The following LILRB5 variants were observed in gnomAD, a reference collection of about 807,000 sequenced individuals.
LILRB5 encodes the protein leukocyte immunoglobulin-like receptor subfamily B member 5.
LILRB5 carries 61 observed loss-of-function variants against 68.4 expected under a neutral mutation model. The observed-to-expected ratio is 0.89, with a 90% CI of 0.73 to 1.10. The LOEUF is 1.10. Among genes scored for constraint, LILRB5 ranks in the 50% least tolerant of loss-of-function variants. The probability of loss-of-function intolerance (pLI) is 0.00; values close to 1 mark genes in which losing one functional copy is unlikely to be tolerated. For missense variants in LILRB5, 771 were observed against 751.6 expected, an observed-to-expected ratio of 1.03 and a Z score of -0.30; for synonymous variants, 356 against 315.8, an observed-to-expected ratio of 1.13 and a Z score of -1.35.
chr19:54,250,776 C>A lies in LILRB5; in HGVS notation c.*10G>T. The A allele has an allele frequency of 1.2e-6, 2 of 1,613,882 alleles. No homozygotes were observed. Among genetic ancestry groups the A allele is most frequent in the Non-Finnish European group, 1.7e-6 (2 of 1,179,962 alleles). ...CTTCTGTTGAGTATGAGATCTGGGT[C>A]CCCCGTGGGCTAGTGGATGGCCAGG... On this transcript the variant is annotated 3_prime_UTR_variant, in exon 13 of 13. Transcript: ENST00000449561.
At position 54,250,818 on chromosome 19, in the gene LILRB5, G is replaced by A. The variant is rs1319407371; in HGVS notation, c.1744C>T (p.Pro582Ser). The A allele has an allele frequency of 6.2e-7, 1 of 1,614,110 alleles. No individual in the cohort carries two copies. Among genetic ancestry groups the A allele is most frequent in the South Asian group, 1.1e-5 (1 of 91,084 alleles). Residue 582 changes from proline (P) to serine (S), a missense_variant, in exon 13 of 13, where the codon CCC becomes TCC. By Grantham distance (74) the Pro-to-Ser change is moderately conservative (BLOSUM62 -1). Transcript: ENST00000449561. Reference sequence around the variant, plus strand: ...ATGGCCAGGGGGGCGTAGATGCTGGGTTCAGCTGGAGGTTCCCTTTCCTGG... The same window carrying A: ...ATGGCCAGGGGGGCGTAGATGCTGGATTCAGCTGGAGGTTCCCTTTCCTGG... ...PSQEREPPAEPSIYAPLAIH is the reference protein window; with the variant it reads ...PSQEREPPAESSIYAPLAIH
rs1469349954 is a variant in LILRB5, at chr19:54,256,752, A to C, written c.92T>G (p.Leu31Arg). 1 of 1,612,944 alleles carries C rather than the reference A, an allele frequency of 6.2e-7. No individual in the cohort carries two copies. The highest frequency in any genetic ancestry group is 8.5e-7 in the Non-Finnish European group (1 of 1,179,210). The change falls in exon 3 of 13, where the codon CTC becomes CGC. Residue 31 changes from leucine (L) to arginine (R), a missense_variant. Transcript: ENST00000449561. ...TATCACAGAGGCTGGCTCAGCCCAG[A>C]GGGTGGGTTTGGGGAGGGTGCCTAG... ...VQAGTLPKPTLWAEPASVIAR... is the reference protein window; with the variant it reads ...VQAGTLPKPTRWAEPASVIAR...
Position 54,252,521 on chromosome 19 carries a change from C to T in LILRB5, c.1503G>A (p.Ala501=), listed in dbSNP as rs145736798. 5.8e-5 allele frequency: 93 copies of T among 1,613,834 alleles called. No individual in the cohort carries two copies. Among genetic ancestry groups the T allele is most frequent in the African/African-American group, 8.0e-5 (6 of 74,900 alleles). The change falls in exon 10 of 13, where the codon GCG becomes GCA. Residue 501 remains alanine, a synonymous_variant. Coordinates refer to ENST00000449561, the MANE Select transcript of LILRB5 (RefSeq NM_001081442.3). ...GGCCCTGGTCCTTGGGCTCTGGCCC[C>T]GCAGCCCCTGCAGGACGGTAGAAAT... ...SAHFYRPAGA[A]GPEPKDQGLQ...
Position 54,250,915 on chromosome 19 carries a change from G to C in LILRB5, c.1647C>G (p.Ala549=), listed in dbSNP as rs2078925178. The change falls in exon 13 of 13, where the codon GCC becomes GCG. Residue 549 remains alanine (A), a synonymous_variant. Coordinates refer to ENST00000449561, the MANE Select transcript of LILRB5 (RefSeq NM_001081442.3). ...GCTGGGCGTAGGTCACATCCTGGGG[G>C]GCTTCAGATGCAGCAGCCTGCAGCG... is the stretch of plus-strand genomic sequence containing the variant. ...EMDAPAAASE[A]PQDVTYAQLH... is the part of the protein sequence containing the mutation. The C allele has an allele frequency of 6.2e-7, 1 of 1,611,956 alleles. No individual in the cohort carries two copies. Among genetic ancestry groups the C allele is most frequent in the African/African-American group, 1.3e-5 (1 of 74,158 alleles).
chr19:54,256,640 G>A lies in LILRB5; in HGVS notation c.204C>T (p.Ala68=), dbSNP rs2079154174. The change falls in exon 3 of 13, where the codon GCC becomes GCT. Residue 68 remains alanine (A), a synonymous_variant. Transcript: ENST00000449561. ...YRLDKEGLPW[A]RKRQNPLEPG... ...GCTCCAGTGGGTTCTGTCTCTTCCG[G>A]GCCCATGGGAGTCCCTCCTTATCCA... is the stretch of plus-strand genomic sequence containing the variant. 1.2e-6 allele frequency: 2 copies of A among 1,614,002 alleles called. No homozygotes were observed. The highest frequency in any genetic ancestry group is 1.3e-5 in the African/African-American group (1 of 74,888).
chr19:54,252,818 G>T, intron 9 of LILRB5, 53 bp downstream of exon 9: 1 of 1,496,012 alleles, frequency 6.7e-7, no homozygotes, highest in Non-Finnish European at 9.1e-7. Flanking sequence ...CCTCTGGCTG[G>T]TGCCCCGAGC....
chr19:54,256,266 A>G lies in LILRB5; in HGVS notation c.432T>C (p.Cys144=). The G allele has an allele frequency of 6.2e-7, 1 of 1,613,800 alleles. No individual in the cohort carries two copies. Among genetic ancestry groups the G allele is most frequent in the Non-Finnish European group, 8.5e-7 (1 of 1,179,972 alleles). Residue 144 remains cysteine, a synonymous_variant, in exon 4 of 13, where the codon TGT becomes TGC. Coordinates refer to ENST00000449561, the MANE Select transcript of LILRB5 (RefSeq NM_001081442.3). ...ACGTGAGAAGTCCGTCCAGTGTATC[A>G]CACTGGAGGGTCACATTTCCTCCTG... ...VASGGNVTLQ[C]DTLDGLLTFV...
intron 7 of LILRB5, 44 bp downstream of exon 7, chr19:54,254,321 G>T: frequency 6.5e-7 from 1 of 1,546,340 alleles, no homozygotes; most frequent in South Asian, 1.2e-5. Flanking sequence ...GCTGCCTGGG[G>T]GGAGACCACG....
intron 8 of LILRB5, chr19:54,253,602 G>A (rs936389656): frequency 6.1e-6 from 3 of 490,266 alleles, no homozygotes; most frequent in Admixed American, 3.3e-5. Context: ...AGCTGGATGG[G>A]ACTGAGCCAG....
At chr19:54,254,483 G>A (rs1223322118) in intron 6 of LILRB5, 68 bp from the exon 7 acceptor site, 3 of 1,490,724 alleles carry the variant, frequency 2.0e-6, no homozygotes, top group African/African-American at 2.8e-5. Context: ...CCCTCCACCT[G>A]CCCGTGGCTT....
chr19:54,253,730 C>G, intron 8 of LILRB5: 1 of 1,128,362 alleles, frequency 8.9e-7, no homozygotes, highest in Admixed American at 2.1e-5. Flanking sequence ...GTTCTCTGCA[C>G]CTGAGCGGAG....
intron 5 of LILRB5, 78 bp downstream of exon 5, chr19:54,255,208 C>G (rs372215938): frequency 1.4e-5 from 22 of 1,557,646 alleles, no homozygotes; most frequent in East Asian, 2.3e-5. Context: ...CGCCTCATCC[C>G]GGCCATCACT....
At chr19:54,254,622 C>A (rs900971701) in intron 6 of LILRB5, 113 bp downstream of exon 6, 4 of 1,383,506 alleles carry the variant, frequency 2.9e-6, no homozygotes, top group Non-Finnish European at 4.0e-6. Context: ...CTGGCTGAGC[C>A]CCCCTCAAAC....
At position 54,252,142 on chromosome 19, in the gene LILRB5, A is replaced by G. The variant is rs113467097; in HGVS notation, c.1577-36T>C. The G allele has an allele frequency of 4.8e-3, 7,772 of 1,609,196 alleles. 90 individuals carry two copies. The highest frequency in any genetic ancestry group is 0.026 in the African/African-American group (1,950 of 74,848). On this transcript the variant is annotated intron_variant, in intron 11 of 12. Transcript: ENST00000449561. ...AGAGCAAGGGGTTCATCTCCTGGGA[A>G]GGTTCTCTGAGACTTCTCCGTCCTG...
chr19:54,255,546 C>A lies in LILRB5; in HGVS notation c.692G>T (p.Gly231Val). The part of the protein sequence containing the change: ...SRKPSLLIPQ[G>V]SVVARGGSLT... The stretch of plus-strand genomic sequence containing the variant: ...GCTGCCTCCGCGGGCCACGACAGAG[C>A]CCTGCGGGATCAGGAGGGAGGGCTT... Residue 231 changes from glycine to valine, a missense_variant, in exon 5 of 13, where the codon GGC becomes GTC. Transcript: ENST00000449561. The A allele has an allele frequency of 1.2e-6, 2 of 1,613,898 alleles. No individual in the cohort carries two copies. The highest frequency in any genetic ancestry group is 1.7e-6 in the Non-Finnish European group (2 of 1,179,880).
rs902481830 is a variant in LILRB5 at position 54,252,370 on chromosome 19, A to T, written c.1572T>A (p.Ile524=). The T allele has an allele frequency of 6.2e-7, 1 of 1,613,978 alleles. No homozygotes were observed. Among genetic ancestry groups the T allele is most frequent in the East Asian group, 2.2e-5 (1 of 44,856 alleles). The change falls in exon 11 of 13, where the codon ATT becomes ATA. Residue 524 remains isoleucine (I), a synonymous_variant. Transcript: ENST00000449561. Reference sequence around the variant, plus strand: ...CCTCCGCTTCTAGTCACTCACTGAGAATTTCCTCCTGGATGTCAGCAACTG... The same window carrying T: ...CCTCCGCTTCTAGTCACTCACTGAGTATTTCCTCCTGGATGTCAGCAACTG... ...ASPVADIQEE[I]LNAAVKDTQP...
rs747508088 is a variant in LILRB5, at chr19:54,255,043, GAGA to G, written c.953-9_953-7del. ...GGGTATGTCAGGGATCAGTCCTGGA[GAGA>G]AGAAGGATGGGTGAGGGGCTGCCCC... On this transcript the variant is annotated splice_polypyrimidine_tract_variant and splice_region_variant and intron_variant, in intron 5 of 12. Transcript: ENST00000449561. 3.5e-5 allele frequency: 56 copies of G among 1,592,176 alleles called. No individual in the cohort carries two copies. The highest frequency in any genetic ancestry group is 1.6e-4 in the East Asian group (7 of 44,600).
At chr19:54,251,229 T>C (rs906540129) in intron 12 of LILRB5, 25 of 1,204,892 alleles carry the variant, frequency 2.1e-5, no homozygotes, top group Middle Eastern at 5.9e-4. Context: ...GGAGTCAATT[T>C]TCCTCACTGT....
rs202131847 is a variant in LILRB5 at position 54,254,064 on chromosome 19, G to A, written c.1311C>T (p.Gly437=). The A allele has an allele frequency of 1.6e-5, 25 of 1,598,524 alleles. No individual in the cohort carries two copies. The African/African-American group carries it at 3.1e-4, about 20-fold the overall frequency. ...TGGGGGTGAGGGGCTGGTCCTCAGGGCCTGCTGGGTCAGGACGGGGAGGTG... is the reference window on the plus strand; with the variant it reads ...TGGGGGTGAGGGGCTGGTCCTCAGGACCTGCTGGGTCAGGACGGGGAGGTG... ...SPTGSTPTPA[G]PEDQPLTPTG... Residue 437 remains glycine, a synonymous_variant, in exon 8 of 13, where the codon GGC becomes GGT. Transcript: ENST00000449561.
Sources: gnomAD v4.1 joint callset for allele counts on GRCh38, gnomAD v4.1.1 for gene constraint, MANE v1.5 for transcripts, NCBI Gene and HGNC (gene_info 2026-07-23, HGNC 2026-07-21) for gene names.